The following KCNMA1 variants were observed in gnomAD, a reference collection of about 807,000 sequenced individuals.
KCNMA1 encodes the protein potassium calcium-activated channel subfamily M alpha 1.
KCNMA1 carries 29 observed loss-of-function variants against 140.0 expected under a neutral mutation model. That is an observed-to-expected ratio of 0.21 (90% confidence interval 0.15 to 0.28). The LOEUF is 0.28. Ranked by LOEUF, KCNMA1 falls within the 10% of genes least tolerant of loss-of-function variation. The probability of loss-of-function intolerance (pLI) is 1.00; values close to 1 mark genes in which losing one functional copy is unlikely to be tolerated. For missense variants in KCNMA1, 880 were observed against 1,602.2 expected, an observed-to-expected ratio of 0.55 and a Z score of 7.70; for synonymous variants, 612 against 611.9, an observed-to-expected ratio of 1.00 and a Z score of 0.00.
chr10:77,015,920 C>T (rs1169760068), intron 17 of KCNMA1, among the ~76,000 whole-genome samples: 1 of 152,162 alleles, frequency 6.6e-6, no homozygotes, highest in Admixed American at 6.5e-5. Flanking sequence ...CTGAGTCTCT[C>T]ACCTCTTCTC....
intron 1 of KCNMA1, among the ~76,000 whole-genome samples, chr10:77,506,637 CAGAG>C (rs1409552831): frequency 2.8e-5 from 1 of 35,838 alleles, no homozygotes; most frequent in Non-Finnish European, 4.7e-5. Context: ...GGGAGAGAGA[CAGAG>C]AGGGAGAGAG....
At chr10:77,082,528 T>G (rs934431112) in intron 12 of KCNMA1, among the ~76,000 whole-genome samples, 1 of 152,236 alleles carries the variant, frequency 6.6e-6, no homozygotes, top group South Asian at 2.1e-4. Context: ...GTTTTCCATT[T>G]GGAATTTTGA....
At chr10:77,353,326 T>C (rs2093113965) in intron 2 of KCNMA1, among the ~76,000 whole-genome samples, 1 of 152,100 alleles carries the variant, frequency 6.6e-6, no homozygotes, top group African/African-American at 2.4e-5. Flanking sequence ...CACTGAGTGG[T>C]TGTAGGGCTC....
At chr10:77,331,545 C>T (rs1239007723) in intron 2 of KCNMA1, among the ~76,000 whole-genome samples, 1 of 151,894 alleles carries the variant, frequency 6.6e-6, no homozygotes, top group African/African-American at 2.4e-5. Flanking sequence ...GGGCCAGGCA[C>T]AGTGGCTCAC....
chr10:77,240,713 T>C (rs1237809252), intron 3 of KCNMA1, among the ~76,000 whole-genome samples: 1 of 152,234 alleles, frequency 6.6e-6, no homozygotes, highest in Non-Finnish European at 1.5e-5. Context: ...GAGCCTGCAT[T>C]TCTGCATAGG....
chr10:77,148,714 C>G (rs989540259), intron 5 of KCNMA1, among the ~76,000 whole-genome samples: 1 of 152,092 alleles, frequency 6.6e-6, no homozygotes. Context: ...GTGCTCAATG[C>G]GGCCATTGGA....
intron 2 of KCNMA1, among the ~76,000 whole-genome samples, chr10:77,395,129 C>T (rs1435305700): frequency 6.6e-6 from 1 of 152,042 alleles, no homozygotes; most frequent in Admixed American, 6.6e-5. Flanking sequence ...AGAGGATTGC[C>T]TGGGCCCAGG....
At chr10:77,259,231 C>A (rs993961346) in intron 2 of KCNMA1, among the ~76,000 whole-genome samples, 2 of 152,038 alleles carry the variant, frequency 1.3e-5, no homozygotes, top group African/African-American at 2.4e-5. Context: ...GAAAGAGGGG[C>A]TTTGTAGTTG....
At chr10:77,246,790 T>C (rs2058633038) in intron 3 of KCNMA1, among the ~76,000 whole-genome samples, 1 of 152,174 alleles carries the variant, frequency 6.6e-6, no homozygotes, top group African/African-American at 2.4e-5. Context: ...GGAGAGGCCA[T>C]TTTCCAATCG....
At chr10:77,383,396 G>T (rs1187752565) in intron 2 of KCNMA1, among the ~76,000 whole-genome samples, 1 of 141,358 alleles carries the variant, frequency 7.1e-6, no homozygotes, top group Non-Finnish European at 1.5e-5. Context: ...TGGAGAGATG[G>T]TTGCTTAACC....
chr10:76,967,896 A>G (rs2074557316), intron 20 of KCNMA1, among the ~76,000 whole-genome samples: 3 of 152,194 alleles, frequency 2.0e-5, no homozygotes, highest in Admixed American at 2.0e-4. Context: ...GCCCCTCTCC[A>G]GCAACGAATG....
chr10:77,233,402 A>T (rs1345119915), intron 3 of KCNMA1, among the ~76,000 whole-genome samples: 1 of 152,204 alleles, frequency 6.6e-6, no homozygotes, highest in East Asian at 1.9e-4. Flanking sequence ...GGACCAAAAA[A>T]ATTACATCTT....
intron 2 of KCNMA1, among the ~76,000 whole-genome samples, chr10:77,274,173 GT>G (rs1392297801): frequency 6.6e-6 from 1 of 152,116 alleles, no homozygotes; most frequent in Non-Finnish European, 1.5e-5. Context: ...ACTCTTTCAA[GT>G]ATGACTATCC....
In KCNMA1 at chr10:77,637,804, T is replaced by C. The variant is rs1358866619; in HGVS notation, c.-162A>G. The stretch of plus-strand genomic sequence containing the variant: ...GGGGAGGCGCCTGGGCTCGGGGCGC[T>C]GTGCGCGACCTGGCGGGGTGCGCCG... On this transcript the variant is annotated 5_prime_UTR_variant, in exon 1 of 28. Transcript: ENST00000286628. 9.9e-6 allele frequency: 12 copies of C among 1,209,696 alleles called. No homozygotes were observed. Among genetic ancestry groups the C allele is most frequent in the Non-Finnish European group, 1.2e-5 (12 of 964,662 alleles). 74.9% of individuals were successfully genotyped at this position (1,209,696 alleles called of 1,614,324 possible).
At chr10:76,926,101 T>C (rs1445972654) in intron 23 of KCNMA1, among the ~76,000 whole-genome samples, 1 of 152,214 alleles carries the variant, frequency 6.6e-6, no homozygotes, top group Non-Finnish European at 1.5e-5. Context: ...TCTTGGATCT[T>C]GGGGTCAGGC....
At chr10:77,429,707 T>G (rs1476912204) in intron 1 of KCNMA1, among the ~76,000 whole-genome samples, 1 of 152,174 alleles carries the variant, frequency 6.6e-6, no homozygotes, top group Non-Finnish European at 1.5e-5. Context: ...CTTGCAAGCT[T>G]TCTCAAACAA....
chr10:77,269,160 G>C (rs1028896476), intron 2 of KCNMA1, among the ~76,000 whole-genome samples: 1 of 152,114 alleles, frequency 6.6e-6, no homozygotes, highest in Non-Finnish European at 1.5e-5. Context: ...CTCTATCTAA[G>C]AGCCTGAAAT....
chr10:76,899,671 CA>C (rs1376815090), intron 25 of KCNMA1, among the ~76,000 whole-genome samples: 2 of 152,098 alleles, frequency 1.3e-5, no homozygotes. Flanking sequence ...TTTGCTGATC[CA>C]TTCCTTAGTA....
intron 1 of KCNMA1, among the ~76,000 whole-genome samples, chr10:77,571,351 G>A (rs2071218073): frequency 6.6e-6 from 1 of 152,204 alleles, no homozygotes; most frequent in East Asian, 1.9e-4. Flanking sequence ...TCCCTCCAGA[G>A]AGAATGTGCA....
Sources: gnomAD v4.1 joint callset for allele counts (sites outside exome capture counted in the v4.1 genomes callset) on GRCh38, gnomAD v4.1.1 for gene constraint, MANE v1.5 for transcripts, NCBI Gene and HGNC (gene_info 2026-07-23, HGNC 2026-07-21) for gene names.